IRAG2: variants seen among roughly 807,000 people sequenced by gnomAD.
IRAG2 encodes the protein inositol 1,4,5-triphosphate receptor associated 2.
In IRAG2, 45 loss-of-function variants were observed where a neutral mutation model predicts 69.9. The observed-to-expected ratio is 0.64, with a 90% CI of 0.51 to 0.83. IRAG2 has a LOEUF of 0.83. Among genes scored for constraint, IRAG2 ranks in the 40% least tolerant of loss-of-function variants. IRAG2 has a pLI of 0.00. For missense variants in IRAG2, 520 were observed against 587.0 expected, an observed-to-expected ratio of 0.89 and a Z score of 1.18; for synonymous variants, 193 against 202.4, an observed-to-expected ratio of 0.95 and a Z score of 0.40.
In IRAG2 at chr12:25,069,362, C is replaced by A. The variant is rs2140023930; in HGVS notation, c.-46C>A. On this transcript the variant is annotated 5_prime_UTR_variant, in exon 6 of 22. Coordinates refer to ENST00000556887, the MANE Select transcript of IRAG2 (RefSeq NM_001366544.2). ...TTCCTACTGCCAGGTGCCCAGGCCC[C>A]ACAAGTGGCCCCAGCCCAGGAACGA... 1 of 1,589,368 alleles carries A rather than the reference C, an allele frequency of 6.3e-7. No homozygotes were observed. The highest frequency in any genetic ancestry group is 8.6e-7 in the Non-Finnish European group (1 of 1,159,514).
At position 25,063,884 on chromosome 12, in the gene IRAG2, C is replaced by G. The variant is rs141437291; in HGVS notation, c.-207+68C>G. ...GAGTTCTATTTGAAAGGGAAAATAACTAGTTATTATTACATTTGTATAGGA... is the reference window on the plus strand; with the variant it reads ...GAGTTCTATTTGAAAGGGAAAATAAGTAGTTATTATTACATTTGTATAGGA... On this transcript the variant is annotated intron_variant, in intron 4 of 21. Transcript: ENST00000556887. The G allele has an allele frequency of 3.0e-3, 1,206 of 398,744 alleles. 14 individuals are homozygous for G. The highest frequency in any genetic ancestry group is 0.022 in the African/African-American group (1,054 of 48,724). 24.7% of individuals were successfully genotyped at this position (398,744 alleles called of 1,614,324 possible).
At chr12:25,098,540 A>G (rs748631986) in intron 15 of IRAG2, among the ~76,000 whole-genome samples, 2 of 152,166 alleles carry the variant, frequency 1.3e-5, no homozygotes, top group Non-Finnish European at 2.9e-5. Flanking sequence ...TGTAGATGGG[A>G]GCCTTCCCGA....
chr12:25,043,512 T>A (rs1944767271), intron 16 of IRAG2, among the ~76,000 whole-genome samples: 1 of 152,214 alleles, frequency 6.6e-6, no homozygotes, highest in Non-Finnish European at 1.5e-5. Context: ...AGGTCTCAGC[T>A]TCTTTCCAGG....
At chr12:25,105,898 A>G (rs1340855620) in intron 20 of IRAG2, among the ~76,000 whole-genome samples, 3 of 152,172 alleles carry the variant, frequency 2.0e-5, no homozygotes, top group Admixed American at 6.5e-5. Flanking sequence ...TTCTGAGGGT[A>G]TTATGAGCTT....
chr12:25,006,157 C>T (rs1217748441), intron 2 of IRAG2: 2 of 152,110 alleles, frequency 1.3e-5, no homozygotes, highest in Non-Finnish European at 1.5e-5. Context: ...TAGAGAAATG[C>T]AAATCAAAAC....
intron 16 of IRAG2, among the ~76,000 whole-genome samples, chr12:25,040,463 A>G (rs1479741259): frequency 6.6e-6 from 1 of 152,182 alleles, no homozygotes; most frequent in Non-Finnish European, 1.5e-5. Flanking sequence ...TAATTGTGCC[A>G]GTGCACTCTA....
intron 10 of IRAG2, among the ~76,000 whole-genome samples, chr12:25,086,624 A>G (rs1240673450): frequency 2.6e-5 from 4 of 152,290 alleles, no homozygotes; most frequent in Non-Finnish European, 5.9e-5. Flanking sequence ...AACAATATCT[A>G]CTAGAGAAGG....
In IRAG2 at chr12:25,077,266, A is replaced by AATATATGAT. The variant is rs1946794569; in HGVS notation, c.25-1972_25-1971insGATATATAT. ...AAATATATATATGATATATATATGAAATATATATGAAATATATATGATATA... is the reference window on the plus strand; with the variant it reads ...AAATATATATATGATATATATATGAAATATATGATATATATATGAAATATATATGATATA... On this transcript the variant is annotated intron_variant, in intron 6 of 21. Coordinates refer to ENST00000556887, the MANE Select transcript of IRAG2 (RefSeq NM_001366544.2). 5.8e-4 allele frequency among the ~76,000 whole-genome samples: 19 copies of AATATATGAT among 32,854 alleles called. 4 individuals carry two copies. Among genetic ancestry groups the AATATATGAT allele is most frequent in the African/African-American group, 1.8e-3 (18 of 10,086 alleles). 21.6% of individuals were successfully genotyped at this position (32,854 alleles called of 152,430 possible). A position where few individuals can be genotyped will look rare whatever the true frequency, so the allele number is the denominator to read the frequency against.
chr12:25,026,926 T>C, intron 9 of IRAG2: 1 of 828,426 alleles, frequency 1.2e-6, no homozygotes, highest in East Asian at 3.4e-5. Flanking sequence ...TATTATTTTA[T>C]GAAAATGTCT....
chr12:25,043,609 T>A (rs181121277), intron 16 of IRAG2, among the ~76,000 whole-genome samples: 1 of 151,898 alleles, frequency 6.6e-6, no homozygotes, highest in East Asian at 1.9e-4. Context: ...GTCTTACCTG[T>A]CTCGGAGTAC....
intron 6 of IRAG2, 71 bp downstream of exon 6, chr12:25,069,502 T>C: frequency 7.7e-7 from 1 of 1,300,520 alleles, no homozygotes; most frequent in Non-Finnish European, 1.1e-6. Flanking sequence ...ATGGGTATTC[T>C]TTTTCCCTGT....
At chr12:25,028,115 G>GCC (rs1944638775) in intron 9 of IRAG2, among the ~76,000 whole-genome samples, 1 of 151,990 alleles carries the variant, frequency 6.6e-6, no homozygotes, top group Admixed American at 6.6e-5. Context: ...GGTAAAGATG[G>GCC]GATTTCACCA....
intron 6 of IRAG2, among the ~76,000 whole-genome samples, chr12:25,019,944 T>C (rs1944564403): frequency 6.6e-6 from 1 of 152,228 alleles, no homozygotes; most frequent in Non-Finnish European, 1.5e-5. Context: ...TCATACTGTA[T>C]TGTCAGTATG....
In IRAG2 at chr12:25,104,283, C is replaced by T. The variant is rs1349244916; in HGVS notation, c.1047-78C>T. ...ATTAGGACATATAATTTTGTATTTA[C>T]TTAAGCAGTAGGAAATAAATTGATA... On this transcript the variant is annotated intron_variant, in intron 19 of 21. Transcript: ENST00000556887. 3 of 1,029,946 alleles carry T rather than the reference C, an allele frequency of 2.9e-6. No homozygotes were observed. In the African/African-American group the frequency reaches 4.7e-5, roughly 16 times the overall value. The allele number at this position is 1,029,946 out of a possible 1,614,324, so 63.8% of individuals were successfully genotyped here.
chr12:25,020,218 G>C (rs780743806), intron 6 of IRAG2, among the ~76,000 whole-genome samples: 18 of 152,186 alleles, frequency 1.2e-4, no homozygotes, highest in Non-Finnish European at 1.9e-4. Flanking sequence ...CATTTAATCA[G>C]TTTCCTGTTG....
upstream of IRAG2, among the ~76,000 whole-genome samples, chr12:25,003,998 T>C (rs1944412011): frequency 6.6e-6 from 1 of 152,218 alleles, no homozygotes; most frequent in Non-Finnish European, 1.5e-5. Flanking sequence ...TGTTGCTTAT[T>C]CTCTTTCTGT....
At chr12:25,085,753 C>CCCTAACCCTAACCCTAACCCTAACCCT (rs1947546928) in intron 10 of IRAG2, among the ~76,000 whole-genome samples, 3 of 152,198 alleles carry the variant, frequency 2.0e-5, no homozygotes, top group African/African-American at 7.2e-5. Flanking sequence ...ATATCACTAA[C>CCCTAACCCTAACCCTAACCCTAACCCT]ACATCCTCTT....
In IRAG2 at chr12:25,104,047, G is replaced by A. The variant is rs200970743; in HGVS notation, c.1035G>A (p.Arg345=). ...GMENNDRFSR[R]SSSWRILGSK... ...AAAATAATGATCGATTCAGTAGAAG[G>A]TCAAGCAGTTGGTAAGTGTAATTTT... Residue 345 remains arginine (R), a synonymous_variant, in exon 19 of 22, where the codon AGG becomes AGA. Transcript: ENST00000556887. The A allele has an allele frequency of 4.3e-6, 7 of 1,613,430 alleles. No homozygotes were observed. In the East Asian group the frequency reaches 1.3e-4, roughly 31 times the overall value.
intron 6 of IRAG2, among the ~76,000 whole-genome samples, chr12:25,020,005 C>T (rs11047762): frequency 0.088 from 13,412 of 152,214 alleles, 685 homozygotes; most frequent in African/African-American, 0.15. Context: ...TAGAATTCTC[C>T]GGATTCAGTC....
Sources: gnomAD v4.1 joint callset for allele counts (sites outside exome capture counted in the v4.1 genomes callset) on GRCh38, gnomAD v4.1.1 for gene constraint, MANE v1.5 for transcripts, NCBI Gene and HGNC (gene_info 2026-07-23, HGNC 2026-07-21) for gene names.